Variants in TACR3 observed in about 807,000 individuals in gnomAD.
TACR3 encodes the protein neuromedin-K receptor.
In TACR3, 34 loss-of-function variants were observed where a neutral mutation model predicts 35.0. The ratio of observed to expected loss-of-function variants is 0.97; its 90% CI spans 0.74 to 1.30. The LOEUF is 1.30. TACR3 is among the 50% of genes most tolerant of loss of function. TACR3 has a pLI of 0.00. For missense variants in TACR3, 558 were observed against 591.7 expected, an observed-to-expected ratio of 0.94 and a Z score of 0.59; for synonymous variants, 233 against 221.1, an observed-to-expected ratio of 1.05 and a Z score of -0.48.
chr4:103,654,948 G>A (rs78008351), intron 3 of TACR3, among the ~76,000 whole-genome samples: 43 of 152,182 alleles, frequency 2.8e-4, no homozygotes, highest in African/African-American at 9.6e-4. Context: ...AGCTCTCCTC[G>A]CTTTAGGATT....
Position 103,650,931 on chromosome 4 carries a change from T to C in TACR3, c.888+5263A>G, listed in dbSNP as rs1402446136. 8.6e-3 allele frequency among the ~76,000 whole-genome samples: 134 copies of C among 15,538 alleles called. 4 individuals carry two copies. Among genetic ancestry groups the C allele is most frequent in the African/African-American group, 0.011 (9 of 846 alleles). The allele number at this position is 15,538 out of a possible 152,430, so 10.2% of individuals were successfully genotyped here. ...CTCATATATAATAATATATATATCT[T>C]ATATATAATAATATATATATCTCAT... On this transcript the variant is annotated intron_variant, in intron 3 of 4. Coordinates refer to ENST00000304883, the MANE Select transcript of TACR3 (RefSeq NM_001059.3).
chr4:103,628,009 C>T lies in TACR3; in HGVS notation c.888+28185G>A, dbSNP rs113047967. On this transcript the variant is annotated intron_variant, in intron 3 of 4. Coordinates refer to ENST00000304883, the MANE Select transcript of TACR3 (RefSeq NM_001059.3). ...AAGAAACTCACTCAAAACTGCACAA[C>T]TTCATGGAAACTGAACAACTTGCTC... is the stretch of plus-strand genomic sequence containing the variant. Among the ~76,000 whole-genome samples the T allele has an allele frequency of 3.3e-3, 505 of 152,258 alleles. 4 individuals are homozygous for T. Among genetic ancestry groups the T allele is most frequent in the African/African-American group, 0.012 (478 of 41,550 alleles).
chr4:103,611,546 C>G (rs1397175273), intron 3 of TACR3, among the ~76,000 whole-genome samples: 2 of 152,150 alleles, frequency 1.3e-5, no homozygotes, highest in Non-Finnish European at 2.9e-5. Flanking sequence ...GTGCAAGGCT[C>G]TGTGCCACAT....
At chr4:103,686,696 A>G (rs1215293102) in intron 1 of TACR3, among the ~76,000 whole-genome samples, 1 of 152,178 alleles carries the variant, frequency 6.6e-6, no homozygotes, top group South Asian at 2.1e-4. Context: ...TATTTTTGAG[A>G]GGTCCTAGAA....
At chr4:103,618,673 A>G (rs1402433335) in intron 3 of TACR3, among the ~76,000 whole-genome samples, 1 of 138,368 alleles carries the variant, frequency 7.2e-6, no homozygotes, top group Non-Finnish European at 1.5e-5. Flanking sequence ...TGAATCTGTA[A>G]ATTGCTTTGG....
intron 4 of TACR3, chr4:103,591,071 C>T (rs574663804): frequency 1.1e-4 from 24 of 221,158 alleles, no homozygotes; most frequent in East Asian, 3.6e-4. Context: ...TAATAAAGTC[C>T]GCTCACATAT....
At chr4:103,642,955 CA>C (rs1440327508) in intron 3 of TACR3, among the ~76,000 whole-genome samples, 1 of 151,682 alleles carries the variant, frequency 6.6e-6, no homozygotes, top group East Asian at 1.9e-4. Flanking sequence ...AATTATGTAT[CA>C]ATATGAAATT....
intron 1 of TACR3, among the ~76,000 whole-genome samples, chr4:103,683,865 GGA>G (rs968134950): frequency 2.7e-5 from 4 of 150,520 alleles, no homozygotes; most frequent in Admixed American, 6.6e-5. Flanking sequence ...AGAGAAATGA[GGA>G]GAGAGAGAGA....
intron 1 of TACR3, among the ~76,000 whole-genome samples, chr4:103,664,405 G>A (rs987307029): frequency 1.3e-5 from 2 of 152,110 alleles, no homozygotes; most frequent in Admixed American, 6.6e-5. Context: ...TTATTAAGTT[G>A]TTTCTGGATT....
chr4:103,709,475 T>A (rs200482697), intron 1 of TACR3, among the ~76,000 whole-genome samples: 1 of 152,148 alleles, frequency 6.6e-6, no homozygotes, highest in Non-Finnish European at 1.5e-5. Context: ...TTGTCACCAC[T>A]AGGCCTGCCC....
chr4:103,689,616 A>G (rs527634145), intron 1 of TACR3, among the ~76,000 whole-genome samples: 2 of 152,120 alleles, frequency 1.3e-5, no homozygotes, highest in African/African-American at 4.8e-5. Flanking sequence ...AGGTAGAACA[A>G]TAGAGATTTT....
At chr4:103,647,199 A>G (rs906292076) in intron 3 of TACR3, among the ~76,000 whole-genome samples, 2 of 152,064 alleles carry the variant, frequency 1.3e-5, no homozygotes, top group African/African-American at 4.8e-5. Context: ...GGTGTATTGA[A>G]TAAAGACATA....
At position 103,589,486 on chromosome 4, in the gene TACR3, AT is replaced by A. The variant is rs1723842933; in HGVS notation, c.*195del. 1.7e-6 allele frequency: 1 copy of A among 582,620 alleles called. No homozygotes were observed. The highest frequency in any genetic ancestry group is 3.0e-6 in the Non-Finnish European group (1 of 335,446). The allele number at this position is 582,620 out of a possible 1,614,324, so 36.1% of individuals were successfully genotyped here. A position where few individuals can be genotyped will look rare whatever the true frequency, so the allele number is the denominator to read the frequency against. On this transcript the variant is annotated 3_prime_UTR_variant, in exon 5 of 5. Transcript: ENST00000304883. Reference sequence around the variant, plus strand: ...AAAGAATAAATTTAAAGCCCATTTTATTTTGGGTGGAGGCTAACATGTTATT... The same window carrying A: ...AAAGAATAAATTTAAAGCCCATTTTATTTGGGTGGAGGCTAACATGTTATT...
intron 3 of TACR3, among the ~76,000 whole-genome samples, chr4:103,644,980 T>G (rs1346080876): frequency 6.6e-6 from 1 of 151,822 alleles, no homozygotes; most frequent in African/African-American, 2.4e-5. Context: ...TATATTAACA[T>G]TGGAAATCTA....
At chr4:103,716,630 CAG>C (rs1723097009) in intron 1 of TACR3, among the ~76,000 whole-genome samples, 1 of 152,066 alleles carries the variant, frequency 6.6e-6, no homozygotes, top group Non-Finnish European at 1.5e-5. Flanking sequence ...TGTCATTTCT[CAG>C]AGTCATAAGA....
At chr4:103,664,526 G>T (rs938234735) in intron 1 of TACR3, among the ~76,000 whole-genome samples, 2 of 152,066 alleles carry the variant, frequency 1.3e-5, no homozygotes, top group African/African-American at 4.8e-5. Flanking sequence ...AAAATGATAC[G>T]AATTTTACTC....
chr4:103,641,550 C>T (rs149853647), intron 3 of TACR3, among the ~76,000 whole-genome samples: 6 of 151,860 alleles, frequency 4.0e-5, no homozygotes, highest in Non-Finnish European at 5.9e-5. Context: ...ACAGCCATTG[C>T]GTAAAACAGT....
intron 1 of TACR3, among the ~76,000 whole-genome samples, chr4:103,707,271 CT>C (rs34572923): frequency 7.3e-5 from 11 of 151,712 alleles, no homozygotes; most frequent in Admixed American, 6.6e-4. Flanking sequence ...ATTTTACATA[CT>C]TTTTTGTATA....
chr4:103,603,945 C>T (rs950610065), intron 3 of TACR3, among the ~76,000 whole-genome samples: 4 of 152,120 alleles, frequency 2.6e-5, no homozygotes, highest in Non-Finnish European at 4.4e-5. Flanking sequence ...GAATCAGTAT[C>T]TTGAAAATGG....
Sources: allele counts gnomAD v4.1 joint callset (sites outside exome capture counted in the v4.1 genomes callset), GRCh38; gene constraint gnomAD v4.1.1; transcripts MANE v1.5; gene names NCBI Gene and HGNC (gene_info 2026-07-23, HGNC 2026-07-21).